Variants in PSD3 observed in about 807,000 individuals in gnomAD.
The protein encoded by PSD3 is PH and SEC7 domain-containing protein 3.
In PSD3, 49 loss-of-function variants were observed where a neutral mutation model predicts 105.5. That is an observed-to-expected ratio of 0.46 (90% confidence interval 0.37 to 0.59). The LOEUF is 0.59. Ranked by LOEUF, PSD3 falls within the 20% of genes least tolerant of loss-of-function variation. The pLI is 0.00. For synonymous variants in PSD3, 557 were observed against 457.8 expected (o/e 1.22, Z -2.77); for missense variants, 1,561 against 1,263.8 (o/e 1.24, Z -3.57).
At chr8:18,545,270 A>C (rs1209088475) in intron 15 of PSD3, among the ~76,000 whole-genome samples, 1 of 152,184 alleles carries the variant, frequency 6.6e-6, no homozygotes, top group Non-Finnish European at 1.5e-5. Flanking sequence ...TGGAAAACTC[A>C]AGAAATAAAT....
At chr8:18,968,390 A>T (rs1186922662) in intron 1 of PSD3, among the ~76,000 whole-genome samples, 1 of 152,234 alleles carries the variant, frequency 6.6e-6, no homozygotes, top group South Asian at 2.1e-4. Flanking sequence ...TCCTCGTTCA[A>T]ATGGTCACCT....
At chr8:18,834,048 G>A (rs1251263498) in intron 4 of PSD3, among the ~76,000 whole-genome samples, 1 of 152,122 alleles carries the variant, frequency 6.6e-6, no homozygotes, top group Admixed American at 6.5e-5. Flanking sequence ...TTTGCTGAGA[G>A]AAGTGAATTA....
At chr8:18,579,177 A>T (rs985179296) in intron 12 of PSD3, among the ~76,000 whole-genome samples, 2 of 151,684 alleles carry the variant, frequency 1.3e-5, no homozygotes, top group African/African-American at 4.8e-5. Context: ...AGGGTTGACA[A>T]TTGGATTAAA....
intron 9 of PSD3, among the ~76,000 whole-genome samples, chr8:18,673,993 A>G (rs563963018): frequency 1.3e-5 from 2 of 152,268 alleles, no homozygotes; most frequent in Admixed American, 1.3e-4. Flanking sequence ...AAATTAAAAA[A>G]TGAGCTGCGC....
intron 11 of PSD3, among the ~76,000 whole-genome samples, chr8:18,614,909 T>C (rs903868214): frequency 3.9e-5 from 6 of 152,084 alleles, no homozygotes; most frequent in African/African-American, 1.4e-4. Context: ...GTGTTGAAAT[T>C]ACAGGTGTGA....
chr8:18,545,743 G>A (rs1800417187), intron 15 of PSD3, among the ~76,000 whole-genome samples: 1 of 152,118 alleles, frequency 6.6e-6, no homozygotes, highest in Non-Finnish European at 1.5e-5. Context: ...TGATTGTACT[G>A]GAATTCCCCG....
intron 2 of PSD3, among the ~76,000 whole-genome samples, chr8:18,909,268 T>G (rs539648062): frequency 1.3e-5 from 2 of 152,306 alleles, no homozygotes; most frequent in East Asian, 3.9e-4. Context: ...AAATGAACGT[T>G]ATCTCTCCCT....
At chr8:18,726,799 C>T (rs991958088) in intron 9 of PSD3, among the ~76,000 whole-genome samples, 3 of 152,232 alleles carry the variant, frequency 2.0e-5, no homozygotes, top group South Asian at 2.1e-4. Flanking sequence ...GTTCCAACCA[C>T]GCTTCGGGGC....
Position 18,844,652 on chromosome 8 carries a change from C to T in PSD3, c.1634+23022G>A, listed in dbSNP as rs1814930134. Among the ~76,000 whole-genome samples the T allele has an allele frequency of 2.0e-5, 3 of 152,150 alleles. 1 individual carries two copies. The highest frequency in any genetic ancestry group is 4.1e-4 in the South Asian group (2 of 4,824). On this transcript the variant is annotated intron_variant, in intron 4 of 15. Coordinates refer to ENST00000327040, the MANE Select transcript of PSD3 (RefSeq NM_015310.4). Reference sequence around the variant, plus strand: ...GATTTGTTTTCATTTCCAACCACAACCCCTACTCCACATTAAATAGGATGG... The same window carrying T: ...GATTTGTTTTCATTTCCAACCACAATCCCTACTCCACATTAAATAGGATGG...
In PSD3 at chr8:18,896,444, C is replaced by T. The variant is rs544160475; in HGVS notation, c.131-23711G>A. ...TTATTTTATTTTTGAGACAGGGTCT[C>T]GCTCTGTCGTTCAGGCTGCAGTGCA... is the stretch of plus-strand genomic sequence containing the variant. On this transcript the variant is annotated intron_variant, in intron 2 of 15. Coordinates refer to ENST00000327040, the MANE Select transcript of PSD3 (RefSeq NM_015310.4). Among the ~76,000 whole-genome samples, 61 of 152,264 alleles carry T rather than the reference C, an allele frequency of 4.0e-4. No individual in the cohort carries two copies. In the South Asian group the frequency reaches 6.0e-3, roughly 15 times the overall value.
intron 9 of PSD3, among the ~76,000 whole-genome samples, chr8:18,688,047 A>T (rs1181751498): frequency 6.6e-6 from 1 of 151,732 alleles, no homozygotes; most frequent in African/African-American, 2.4e-5. Flanking sequence ...GGGATTACAG[A>T]TGTGAGCCAC....
chr8:18,610,810 C>G (rs6990011), intron 11 of PSD3, among the ~76,000 whole-genome samples: 42,079 of 151,966 alleles, frequency 0.28, 6,202 homozygotes, highest in South Asian at 0.46. Context: ...AGACTTTTAC[C>G]CTAAAATGTT....
At chr8:18,995,092 G>A (rs17469420) in intron 1 of PSD3, among the ~76,000 whole-genome samples, 15,969 of 152,184 alleles carry the variant, frequency 0.1, 1,248 homozygotes, top group Non-Finnish European at 0.16. Context: ...CAGCAAGGGA[G>A]CTGTTTACTG....
intron 12 of PSD3, among the ~76,000 whole-genome samples, chr8:18,580,957 A>C (rs1802776731): frequency 6.6e-6 from 1 of 152,214 alleles, no homozygotes; most frequent in African/African-American, 2.4e-5. Context: ...TGTAACAACC[A>C]GAACTGGAAC....
chr8:18,667,496 C>A (rs1799539680), intron 9 of PSD3, among the ~76,000 whole-genome samples: 1 of 152,170 alleles, frequency 6.6e-6, no homozygotes, highest in African/African-American at 2.4e-5. Context: ...TACAGAGTGC[C>A]CACTGGTGCC....
rs1161413822 is a variant in PSD3 at position 18,557,971 on chromosome 8, CAT to C, written c.2785-1621_2785-1620del. Among the ~76,000 whole-genome samples the C allele has an allele frequency of 2.6e-5, 4 of 152,134 alleles. No homozygotes were observed. The East Asian group carries it at 7.7e-4, about 29-fold the overall frequency. ...GTTAAATGAGGTCATAAGAGTGGGG[CAT>C]ATATCCAATAGGATTAGTGCCCTTA... is the stretch of plus-strand genomic sequence containing the variant. On this transcript the variant is annotated intron_variant, in intron 14 of 15. Transcript: ENST00000327040.
chr8:18,784,909 C>T (rs1585979105), intron 8 of PSD3, among the ~76,000 whole-genome samples: 1 of 152,116 alleles, frequency 6.6e-6, no homozygotes, highest in South Asian at 2.1e-4. Context: ...ATTAACTAAA[C>T]CTTCACCCTA....
At chr8:18,728,430 G>C (rs1178516259) in intron 9 of PSD3, among the ~76,000 whole-genome samples, 2 of 152,206 alleles carry the variant, frequency 1.3e-5, no homozygotes, top group African/African-American at 4.8e-5. Context: ...GCTTCTCAGA[G>C]GAAGGGACAG....
chr8:19,031,489 C>T (rs992235875), intron 1 of PSD3, among the ~76,000 whole-genome samples: 2 of 151,366 alleles, frequency 1.3e-5, no homozygotes, highest in Non-Finnish European at 3.0e-5. Context: ...ACGGTAAATG[C>T]AAAGTCCTTC....
Sources: gnomAD v4.1 joint callset for allele counts (sites outside exome capture counted in the v4.1 genomes callset) on GRCh38, gnomAD v4.1.1 for gene constraint, MANE v1.5 for transcripts, NCBI Gene and HGNC (gene_info 2026-07-23, HGNC 2026-07-21) for gene names.